SLC27A2: variants seen among roughly 807,000 people sequenced by gnomAD.
The protein encoded by SLC27A2 is solute carrier family 27 member 2, also known as long-chain fatty acid transport protein 2.
A neutral mutation model predicts 60.0 loss-of-function variants in SLC27A2; 54 were observed. The observed-to-expected ratio is 0.90, with a 90% CI of 0.72 to 1.13. The LOEUF is 1.13. SLC27A2 is among the 50% of genes most tolerant of loss of function. The probability of loss-of-function intolerance (pLI) is 0.00; values close to 1 mark genes in which losing one functional copy is unlikely to be tolerated. For synonymous variants in SLC27A2, 297 were observed against 297.6 expected, an observed-to-expected ratio of 1.00 and a Z score of 0.02; for missense variants, 739 against 777.6, an observed-to-expected ratio of 0.95 and a Z score of 0.59.
chr15:50,186,257 A>T (rs547678294), intron 1 of SLC27A2, among the ~76,000 whole-genome samples: 1 of 152,160 alleles, frequency 6.6e-6, no homozygotes, highest in Non-Finnish European at 1.5e-5. Flanking sequence ...ACAAAAAAAT[A>T]AAATTTCTGA....
chr15:50,205,717 A>G (rs2045107276), intron 4 of SLC27A2, among the ~76,000 whole-genome samples: 1 of 152,044 alleles, frequency 6.6e-6, no homozygotes, highest in Admixed American at 6.6e-5. Flanking sequence ...AACAAAAGTC[A>G]TTACTCTTCT....
At chr15:50,196,613 C>CTTCAAAATTTCTATTTCCTTTTACTATGT (rs2045025791) in intron 1 of SLC27A2, among the ~76,000 whole-genome samples, 1 of 152,204 alleles carries the variant, frequency 6.6e-6, no homozygotes, top group African/African-American at 2.4e-5. Flanking sequence ...TTTTACTATG[C>CTTCAAAATTTCTATTTCCTTTTACTATGT]TAAGATGTGC....
chr15:50,228,249 C>T (rs548853416), intron 7 of SLC27A2, among the ~76,000 whole-genome samples: 4 of 151,878 alleles, frequency 2.6e-5, no homozygotes, highest in East Asian at 1.9e-4. Context: ...TAGTGGCACG[C>T]GCCTGTAGTC....
In SLC27A2 at chr15:50,202,614, A is replaced by G. The variant is rs752699209; in HGVS notation, c.816A>G (p.Leu272=). The G allele has an allele frequency of 5.0e-6, 8 of 1,614,178 alleles. No homozygotes were observed. In the South Asian group the frequency reaches 8.8e-5, roughly 18 times the overall value. Residue 272 remains leucine, a synonymous_variant, in exon 3 of 10, where the codon CTA becomes CTG. Coordinates refer to ENST00000267842, the MANE Select transcript of SLC27A2 (RefSeq NM_003645.4). ...ITLPFYHSAA[L]LIGIHGCIVA... is the part of the protein sequence containing the mutation. ...TGCCCTTTTACCACAGTGCTGCACT[A>G]CTGATTGGCATTCACGGATGTATTG...
chr15:50,204,667 G>A (rs2045095538), intron 3 of SLC27A2, among the ~76,000 whole-genome samples: 1 of 150,996 alleles, frequency 6.6e-6, no homozygotes, highest in Non-Finnish European at 1.5e-5. Context: ...TGGGGGGCGG[G>A]TGTTGCAGTG....
intron 1 of SLC27A2, among the ~76,000 whole-genome samples, chr15:50,195,623 T>A (rs2140898499): frequency 6.6e-6 from 1 of 152,344 alleles, no homozygotes. Flanking sequence ...GATTTATTGT[T>A]ACCAGGTGCA....
chr15:50,218,060 CAAAAA>C (rs34661754), intron 4 of SLC27A2, among the ~76,000 whole-genome samples: 10 of 63,890 alleles, frequency 1.6e-4, no homozygotes, highest in East Asian at 5.9e-4. Context: ...GACTCTGTCT[CAAAAA>C]AAAAAAAAAA....
chr15:50,233,826 A>G, intron 8 of SLC27A2, 42 bp from the exon 9 acceptor site: 1 of 1,549,480 alleles, frequency 6.5e-7, no homozygotes, highest in Non-Finnish European at 8.7e-7. Flanking sequence ...AAGCATCATA[A>G]ATAGCCTTAA....
At chr15:50,205,385 T>C (rs1171455771) in intron 4 of SLC27A2, 22 bp downstream of exon 4, 5 of 1,590,260 alleles carry the variant, frequency 3.1e-6, no homozygotes, top group Non-Finnish European at 4.3e-6. Flanking sequence ...CCCGTTTTAC[T>C]ATCATTTTGA....
chr15:50,200,036 A>C (rs2045052325), intron 2 of SLC27A2, among the ~76,000 whole-genome samples: 1 of 152,256 alleles, frequency 6.6e-6, no homozygotes, highest in Admixed American at 6.5e-5. Context: ...AAAATTATAT[A>C]ATAGTTACCA....
chr15:50,227,169 A>G lies in SLC27A2; in HGVS notation c.1448A>G (p.Asp483Gly), dbSNP rs777568517. 238 of 1,613,562 alleles carry G rather than the reference A, an allele frequency of 1.5e-4. No individual in the cohort carries two copies. The highest frequency in any genetic ancestry group is 1.9e-4 in the Non-Finnish European group (227 of 1,179,756). ...NFIYFHDRVG[D>G]TFRWKGENVA... Reference sequence around the variant, plus strand: ...ATCTATTTCCACGACAGAGTTGGAGATACATTCCGGTTGGTTTTTCTGAAT... The same window carrying G: ...ATCTATTTCCACGACAGAGTTGGAGGTACATTCCGGTTGGTTTTTCTGAAT... The change falls in exon 7 of 10, where the codon GAT becomes GGT. Residue 483 changes from aspartate to glycine, a missense_variant. Coordinates refer to ENST00000267842, the MANE Select transcript of SLC27A2 (RefSeq NM_003645.4).
At chr15:50,230,629 T>A (rs1362629006) in intron 8 of SLC27A2, among the ~76,000 whole-genome samples, 1 of 152,088 alleles carries the variant, frequency 6.6e-6, no homozygotes, top group Non-Finnish European at 1.5e-5. Context: ...TATGGCCACA[T>A]CTTGATGTGA....
At chr15:50,231,185 C>T (rs993462785) in intron 8 of SLC27A2, among the ~76,000 whole-genome samples, 6 of 146,246 alleles carry the variant, frequency 4.1e-5, no homozygotes, top group Admixed American at 2.8e-4. Flanking sequence ...GCTCTCGTTG[C>T]CCAGGCTGGA....
In SLC27A2 at chr15:50,182,796, G is replaced by A. The variant is rs756446648; in HGVS notation, c.369G>A (p.Gly123=). The A allele has an allele frequency of 2.2e-5, 36 of 1,613,544 alleles. No individual in the cohort carries two copies. The African/African-American group carries it at 4.5e-4, about 20-fold the overall frequency. Residue 123 remains glycine (G), a synonymous_variant, in exon 1 of 10, where the codon GGG becomes GGA. Transcript: ENST00000267842. ...NEPAYVWLWL[G]LVKLGCAMAC... ...CGGCCTACGTGTGGCTGTGGCTGGG[G>A]CTGGTGAAGCTGGGCTGTGCCATGG...
At chr15:50,222,203 TC>T (rs1188317585) in intron 4 of SLC27A2, among the ~76,000 whole-genome samples, 1 of 152,112 alleles carries the variant, frequency 6.6e-6, no homozygotes, top group Non-Finnish European at 1.5e-5. Context: ...ATCATATTCT[TC>T]CCAGGCCACC....
chr15:50,235,016 C>T (rs1056261224), intron 9 of SLC27A2, among the ~76,000 whole-genome samples: 1 of 152,198 alleles, frequency 6.6e-6, no homozygotes, highest in African/African-American at 2.4e-5. Flanking sequence ...CTGGAATTGC[C>T]TAAGACTTAA....
chr15:50,201,222 G>A (rs950027698), intron 2 of SLC27A2, among the ~76,000 whole-genome samples: 2 of 152,118 alleles, frequency 1.3e-5, no homozygotes, highest in East Asian at 1.9e-4. Context: ...GGGCTCAAGC[G>A]ATCCTCCTGC....
At chr15:50,217,423 T>G (rs951817190) in intron 4 of SLC27A2, among the ~76,000 whole-genome samples, 5 of 152,062 alleles carry the variant, frequency 3.3e-5, no homozygotes, top group Admixed American at 6.6e-5. Flanking sequence ...ATTAAGAAAG[T>G]ATCTACGTAC....
chr15:50,230,381 A>G (rs1019983740), intron 8 of SLC27A2, among the ~76,000 whole-genome samples: 1 of 152,066 alleles, frequency 6.6e-6, no homozygotes, highest in Admixed American at 6.6e-5. Context: ...AGTCTCTACT[A>G]AAAATACAAA....
Sources: allele counts gnomAD v4.1 joint callset (sites outside exome capture counted in the v4.1 genomes callset), GRCh38; gene constraint gnomAD v4.1.1; transcripts MANE v1.5; gene names NCBI Gene and HGNC (gene_info 2026-07-23, HGNC 2026-07-21).